Variants in MTBP observed in about 807,000 individuals in gnomAD.
The protein encoded by MTBP is mdm2-binding protein.
Under a neutral mutation model 117.0 loss-of-function variants are expected in MTBP, and 101 were observed. The ratio of observed to expected loss-of-function variants is 0.86; its 90% CI spans 0.73 to 1.02. The LOEUF is 1.02. Ranked by LOEUF, MTBP falls within the 50% of genes least tolerant of loss-of-function variation. The probability of loss-of-function intolerance (pLI) is 0.00; values close to 1 mark genes in which losing one functional copy is unlikely to be tolerated. For missense variants in MTBP, 970 were observed against 1,030.9 expected (o/e 0.94, Z 0.81); for synonymous variants, 350 against 351.5 (o/e 1.00, Z 0.05).
chr8:120,453,939 T>C (rs372663167), intron 5 of MTBP, 34 bp downstream of exon 5: 56 of 1,246,622 alleles, frequency 4.5e-5, no homozygotes, highest in Middle Eastern at 2.1e-4. Context: ...ATAATTTGTA[T>C]CTTATCTTAT....
intron 7 of MTBP, 123 bp downstream of exon 7, chr8:120,456,793 C>G: frequency 1.5e-6 from 1 of 662,902 alleles, no homozygotes; most frequent in Non-Finnish European, 2.6e-6. Context: ...CTAAGTAGAA[C>G]TTTCTGCAAT....
At position 120,516,094 on chromosome 8, in the gene MTBP, G is replaced by A. The variant is rs200009109; in HGVS notation, c.2149G>A (p.Val717Ile). The part of the protein sequence containing the change: ...SPVVSSDPGS[V>I]PDGEVLQNEL... ...TGTAGTTTCGTCAGATCCTGGAAGT[G>A]TCCCTGACGGAGAAGTTTTACAAAA... Residue 717 changes from valine to isoleucine, a missense_variant, in exon 18 of 22, where the codon GTC becomes ATC. Physicochemically the swap from Val to Ile is conservative, Grantham distance 29 (BLOSUM62 3). Coordinates refer to ENST00000305949, the MANE Select transcript of MTBP (RefSeq NM_022045.5). The A allele has an allele frequency of 6.2e-7, 1 of 1,613,034 alleles. No homozygotes were observed. Among genetic ancestry groups the A allele is most frequent in the Non-Finnish European group, 8.5e-7 (1 of 1,179,228 alleles).
rs528661214 is a variant in MTBP at position 120,447,453 on chromosome 8, AATGTAT to A, written c.199+946_199+951del. 8.1e-4 allele frequency among the ~76,000 whole-genome samples: 124 copies of A among 152,210 alleles called. 1 individual carries two copies. The highest frequency in any genetic ancestry group is 2.8e-3 in the African/African-American group (117 of 41,532). ...AAGATTTTCTTTGATTTGTACCTCA[AATGTAT>A]ATGTAAAAGAGCTCTTGGGAGTATT... On this transcript the variant is annotated intron_variant, in intron 2 of 21. Coordinates refer to ENST00000305949, the MANE Select transcript of MTBP (RefSeq NM_022045.5).
At chr8:120,498,413 A>G (rs1814514705) in intron 14 of MTBP, among the ~76,000 whole-genome samples, 1 of 152,204 alleles carries the variant, frequency 6.6e-6, no homozygotes, top group African/African-American at 2.4e-5. Flanking sequence ...TTTTTAGATT[A>G]CTTGTAAATG....
intron 15 of MTBP, 25 bp from the exon 16 acceptor site, chr8:120,506,681 A>G: frequency 6.5e-7 from 1 of 1,539,988 alleles, no homozygotes; most frequent in Non-Finnish European, 8.7e-7. Context: ...ACTTTTAATA[A>G]ATCTGCATAA....
intron 11 of MTBP, among the ~76,000 whole-genome samples, chr8:120,477,594 A>T (rs1813971231): frequency 6.6e-6 from 1 of 152,232 alleles, no homozygotes; most frequent in Non-Finnish European, 1.5e-5. Flanking sequence ...TGGGCTAAGG[A>T]TATGAACAGA....
intron 11 of MTBP, among the ~76,000 whole-genome samples, chr8:120,483,028 T>C (rs1470446381): frequency 1.3e-5 from 2 of 151,636 alleles, no homozygotes; most frequent in Admixed American, 1.3e-4. Context: ...TTTTTAACTA[T>C]TTTAGATTCT....
intron 18 of MTBP, 96 bp from the exon 19 acceptor site, chr8:120,517,755 A>G (rs746478581): frequency 5.0e-5 from 63 of 1,266,270 alleles, no homozygotes; most frequent in Non-Finnish European, 6.5e-5. Flanking sequence ...ATGTTGATTC[A>G]CTTAATGGAT....
At chr8:120,465,481 A>G (rs1005525484) in intron 10 of MTBP, among the ~76,000 whole-genome samples, 14 of 152,150 alleles carry the variant, frequency 9.2e-5, no homozygotes, top group African/African-American at 3.4e-4. Flanking sequence ...GATGGTTGCT[A>G]ACTAATTTTT....
intron 7 of MTBP, among the ~76,000 whole-genome samples, chr8:120,457,698 G>A (rs1280222866): frequency 1.3e-5 from 2 of 152,136 alleles, no homozygotes; most frequent in African/African-American, 4.8e-5. Context: ...GCCAAGGCGG[G>A]CAGATCACGA....
chr8:120,481,356 C>G (rs1034824897), intron 11 of MTBP, among the ~76,000 whole-genome samples: 1 of 152,114 alleles, frequency 6.6e-6, no homozygotes, highest in Non-Finnish European at 1.5e-5. Flanking sequence ...TATGTTTACA[C>G]AAAGGCTTAT....
intron 11 of MTBP, among the ~76,000 whole-genome samples, chr8:120,487,489 A>G (rs1440001567): frequency 1.3e-5 from 2 of 152,206 alleles, no homozygotes; most frequent in Non-Finnish European, 2.9e-5. Flanking sequence ...ATTTAGTGGA[A>G]TTTCAGGAGA....
Position 120,488,293 on chromosome 8 carries a change from C to A in MTBP, c.1300C>A (p.His434Asn). Residue 434 changes from histidine (H) to asparagine (N), a missense_variant, in exon 12 of 22, where the codon CAT becomes AAT. Coordinates refer to ENST00000305949, the MANE Select transcript of MTBP (RefSeq NM_022045.5). ...TGGCTCATTTGCACTCAATTTAATT[C>A]ATGGAAAGATGAAAACAAAGACAGA... is the stretch of plus-strand genomic sequence containing the variant. ...INGSFALNLI[H>N]GKMKTKTEEA... is the part of the protein sequence containing the mutation. The A allele has an allele frequency of 2.6e-6, 4 of 1,565,064 alleles. No individual in the cohort carries two copies. The highest frequency in any genetic ancestry group is 3.4e-6 in the Non-Finnish European group (4 of 1,162,564).
chr8:120,504,100 G>A (rs1464185972), intron 15 of MTBP, among the ~76,000 whole-genome samples: 1 of 152,100 alleles, frequency 6.6e-6, no homozygotes, highest in Non-Finnish European at 1.5e-5. Flanking sequence ...ATACATGATG[G>A]TTGATGAGTT....
intron 13 of MTBP, among the ~76,000 whole-genome samples, chr8:120,496,289 T>C (rs760537506): frequency 2.6e-5 from 4 of 152,166 alleles, no homozygotes; most frequent in Non-Finnish European, 5.9e-5. Context: ...GCTGAAAGTG[T>C]TAACTGAATC....
intron 11 of MTBP, among the ~76,000 whole-genome samples, chr8:120,478,382 C>G (rs1813994310): frequency 6.6e-6 from 1 of 151,464 alleles, no homozygotes; most frequent in Admixed American, 6.6e-5. Context: ...ACATGTATCC[C>G]AGAACTTAAA....
chr8:120,521,575 G>T (rs1371477920), intron 20 of MTBP, among the ~76,000 whole-genome samples: 3 of 152,274 alleles, frequency 2.0e-5, no homozygotes, highest in Middle Eastern at 3.4e-3. Flanking sequence ...AAACATTAAG[G>T]TATAAATAAG....
At chr8:120,486,689 C>G (rs1415736038) in intron 11 of MTBP, among the ~76,000 whole-genome samples, 1 of 152,056 alleles carries the variant, frequency 6.6e-6, no homozygotes, top group East Asian at 1.9e-4. Flanking sequence ...TCTTTTTGGC[C>G]ACAGCCGCTT....
At chr8:120,453,954 C>G in intron 5 of MTBP, 49 bp downstream of exon 5, 1 of 1,052,058 alleles carries the variant, frequency 9.5e-7, no homozygotes, top group Non-Finnish European at 1.4e-6. Context: ...TCTTATTACA[C>G]TTTATGAATA....
Sources: gnomAD v4.1 joint callset for allele counts (sites outside exome capture counted in the v4.1 genomes callset) on GRCh38, gnomAD v4.1.1 for gene constraint, MANE v1.5 for transcripts, NCBI Gene and HGNC (gene_info 2026-07-23, HGNC 2026-07-21) for gene names.